Variants in SVOPL observed in about 807,000 individuals in gnomAD.
SVOPL encodes SVOP like, also known as putative transporter SVOPL.
Under a neutral mutation model 61.0 loss-of-function variants are expected in SVOPL, and 60 were observed. That is an observed-to-expected ratio of 0.98 (90% CI 0.80 to 1.22). The LOEUF is 1.22. Ranked by LOEUF, SVOPL falls within the 50% of genes most tolerant of loss-of-function variation. The probability of loss-of-function intolerance (pLI) is 0.00; values close to 1 mark genes in which losing one functional copy is unlikely to be tolerated. For synonymous variants in SVOPL, 279 were observed against 250.0 expected (o/e 1.12, Z -1.09); for missense variants, 662 against 643.9 (o/e 1.03, Z -0.30).
intron 4 of SVOPL, among the ~76,000 whole-genome samples, chr7:138,667,888 A>C (rs1027702811): frequency 2.0e-5 from 3 of 152,214 alleles, no homozygotes; most frequent in Admixed American, 6.5e-5. Context: ...GTTTAAAACA[A>C]AGATGATAAC....
intron 13 of SVOPL, among the ~76,000 whole-genome samples, chr7:138,622,018 GTATC>G (rs71179706): frequency 0.45 from 10,298 of 22,788 alleles, 1,885 homozygotes; most frequent in East Asian, 0.71. Flanking sequence ...ATCTATCTAT[GTATC>G]TATCTATCTA....
chr7:138,679,625 C>T (rs943356905), intron 1 of SVOPL, among the ~76,000 whole-genome samples: 10 of 152,054 alleles, frequency 6.6e-5, no homozygotes, highest in Non-Finnish European at 1.2e-4. Flanking sequence ...CTTTGCACAC[C>T]TCAGTTTTCT....
chr7:138,632,707 G>A (rs1800268597), intron 9 of SVOPL, among the ~76,000 whole-genome samples: 1 of 151,018 alleles, frequency 6.6e-6, no homozygotes, highest in African/African-American at 2.4e-5. Flanking sequence ...GAAGATGGGA[G>A]ACAGGGGGTT....
At chr7:138,668,172 C>A (rs1032261988) in intron 4 of SVOPL, among the ~76,000 whole-genome samples, 6 of 152,064 alleles carry the variant, frequency 3.9e-5, no homozygotes, top group African/African-American at 1.4e-4. Context: ...AAGAGGAAAG[C>A]GTCAATTCCC....
chr7:138,625,205 T>A (rs1336432328), intron 13 of SVOPL: 1 of 152,240 alleles, frequency 6.6e-6, no homozygotes, highest in Admixed American at 6.5e-5. Context: ...AATTCAAACA[T>A]CTCATAGCTT....
intron 10 of SVOPL, 122 bp from the exon 11 acceptor site, chr7:138,628,485 C>T: frequency 2.1e-6 from 2 of 932,532 alleles, no homozygotes. Flanking sequence ...AAGCCAGGCT[C>T]AGACGCCACA....
rs2305816 is a variant in SVOPL, at chr7:138,627,377, A to C, written c.1154T>G (p.Phe385Cys). 0.69 allele frequency: 1,114,362 copies of C among 1,611,588 alleles called. 398,849 individuals are homozygous for C. The highest frequency in any genetic ancestry group is 0.75 in the Non-Finnish European group (886,460 of 1,178,026). Residue 385 changes from phenylalanine to cysteine, a missense_variant, in exon 12 of 16, where the codon TTC becomes TGC. Coordinates refer to ENST00000674285, the MANE Select transcript of SVOPL (RefSeq NM_001139456.2). ...SITMGCTALFFLLLNICTSSA... is the reference protein window; with the variant it reads ...SITMGCTALFCLLLNICTSSA... ...TGAAGTGCAAATGTTGAGGAGAAGG[A>C]AGAATAAAGCCGTGCATCCCATGGT...
chr7:138,628,056 T>C (rs1665627751), intron 11 of SVOPL, 102 bp downstream of exon 11: 4 of 1,349,338 alleles, frequency 3.0e-6, no homozygotes, highest in Non-Finnish European at 4.2e-6. Flanking sequence ...TCAGTTCTGC[T>C]AGGCAGGAGC....
At position 138,660,800 on chromosome 7, in the gene SVOPL, TATA is replaced by T. The variant is rs10548086; in HGVS notation, c.346-815_346-813del. The T allele has an allele frequency of 0.011, 10,466 of 978,626 alleles. 458 individuals carry two copies. In the East Asian group the frequency reaches 0.22, roughly 21 times the overall value. 60.6% of individuals were successfully genotyped at this position (978,626 alleles called of 1,614,324 possible). A position where few individuals can be genotyped will look rare whatever the true frequency, so the allele number is the denominator to read the frequency against. ...ATACCAATAGGGTTTAATAATATTA[TATA>T]ATAATAATGATATATTAACACCAAC... On this transcript the variant is annotated intron_variant, in intron 5 of 15. Transcript: ENST00000674285.
intron 9 of SVOPL, among the ~76,000 whole-genome samples, chr7:138,643,960 T>C (rs1006368373): frequency 1.4e-4 from 21 of 151,908 alleles, no homozygotes; most frequent in African/African-American, 4.6e-4. Context: ...TCCCAGCACT[T>C]TGGGAGGCCG....
At chr7:138,594,769 G>C in intron 15 of SVOPL, 148 bp from the exon 16 acceptor site, 1 of 538,952 alleles carries the variant, frequency 1.9e-6, no homozygotes. Flanking sequence ...TTGTGTATCT[G>C]AAGATACAAT....
At chr7:138,686,562 GTTTTTTTTT>G (rs979219572) in intron 1 of SVOPL, among the ~76,000 whole-genome samples, 1 of 66,940 alleles carries the variant, frequency 1.5e-5, no homozygotes, top group Non-Finnish European at 2.8e-5. Flanking sequence ...TGTTTTTTGG[GTTTTTTTTT>G]TTTTTTTTTT....
At chr7:138,664,065 T>C in intron 4 of SVOPL, 1 of 330,392 alleles carries the variant, frequency 3.0e-6, no homozygotes, top group Non-Finnish European at 4.3e-6. Context: ...TCCGTAACCC[T>C]GTTTGACAGA....
At chr7:138,632,568 G>T (rs1455435854) in intron 9 of SVOPL, among the ~76,000 whole-genome samples, 4 of 152,070 alleles carry the variant, frequency 2.6e-5, no homozygotes, top group Non-Finnish European at 5.9e-5. Context: ...GAGGGAAGGT[G>T]AAGAATGGGG....
At chr7:138,661,366 G>C (rs1048806414) in intron 5 of SVOPL, 2 of 985,208 alleles carry the variant, frequency 2.0e-6, no homozygotes, top group Non-Finnish European at 2.4e-6. Context: ...ACTCTAATAT[G>C]TTTTAACTCC....
At chr7:138,663,378 T>TC in intron 4 of SVOPL, 5 of 1,393,258 alleles carry the variant, frequency 3.6e-6, no homozygotes, top group Non-Finnish European at 4.6e-6. Flanking sequence ...GGAAACGGGG[T>TC]CCTCTGCCGC....
At chr7:138,671,181 C>T (rs927156146) in intron 4 of SVOPL, among the ~76,000 whole-genome samples, 2 of 152,146 alleles carry the variant, frequency 1.3e-5, no homozygotes, top group African/African-American at 2.4e-5. Flanking sequence ...GCTTCTGGCC[C>T]TGCCCACCTC....
intron 14 of SVOPL, among the ~76,000 whole-genome samples, chr7:138,613,204 G>A (rs1021408064): frequency 1.1e-4 from 16 of 151,716 alleles, no homozygotes; most frequent in African/African-American, 3.2e-4. Context: ...ATTTTTAGTA[G>A]AGATGGGGTT....
chr7:138,661,711 C>T (rs1226368542), intron 5 of SVOPL: 1 of 857,362 alleles, frequency 1.2e-6, no homozygotes, highest in Non-Finnish European at 1.4e-6. Context: ...TAGTAAATAA[C>T]TTAGGAAGTG....
Sources: gnomAD v4.1 joint callset for allele counts (sites outside exome capture counted in the v4.1 genomes callset) on GRCh38, gnomAD v4.1.1 for gene constraint, MANE v1.5 for transcripts, NCBI Gene and HGNC (gene_info 2026-07-23, HGNC 2026-07-21) for gene names.